Variants in MCC observed in about 807,000 individuals in gnomAD.
The protein encoded by MCC is colorectal mutant cancer protein.
MCC carries 90 observed loss-of-function variants against 116.2 expected under a neutral mutation model. The ratio of observed to expected loss-of-function variants is 0.77; its 90% CI spans 0.65 to 0.92. The LOEUF (loss-of-function observed/expected upper bound fraction) is 0.92. MCC is among the 40% of genes least tolerant of loss of function. The pLI, the probability that MCC is intolerant of heterozygous loss-of-function variation, is 0.00. For synonymous variants in MCC, 578 were observed against 510.5 expected (o/e 1.13, Z -1.78); for missense variants, 1,516 against 1,312.2 (o/e 1.16, Z -2.40).
intron 18 of MCC, 21 bp downstream of exon 18, chr5:113,028,912 CT>C: frequency 6.2e-7 from 1 of 1,608,970 alleles, no homozygotes; most frequent in Non-Finnish European, 8.5e-7. Flanking sequence ...GCGGTGGGGG[CT>C]GGGTATAGGG....
rs1364014242 is a variant in MCC at position 113,452,889 on chromosome 5, G to C, written c.170+35356C>G. 2.0e-4 allele frequency among the ~76,000 whole-genome samples: 31 copies of C among 152,220 alleles called. 1 individual carries two copies. The highest frequency in any genetic ancestry group is 4.0e-4 in the Non-Finnish European group (27 of 68,030). ...GCCTTTATGTGTCCTTTATTTGAAAGGAAGAGATTAACTTAGGCTTGTATA... is the reference window on the plus strand; with the variant it reads ...GCCTTTATGTGTCCTTTATTTGAAACGAAGAGATTAACTTAGGCTTGTATA... On this transcript the variant is annotated intron_variant, in intron 1 of 18. Transcript: ENST00000408903.
intron 1 of MCC, among the ~76,000 whole-genome samples, chr5:113,394,891 G>A (rs1312189034): frequency 1.3e-5 from 2 of 152,102 alleles, no homozygotes; most frequent in Non-Finnish European, 2.9e-5. Context: ...CTAGTTTATT[G>A]GAACAGAGCA....
At chr5:113,194,474 G>T (rs918411870) in intron 3 of MCC, among the ~76,000 whole-genome samples, 1 of 152,028 alleles carries the variant, frequency 6.6e-6, no homozygotes, top group Non-Finnish European at 1.5e-5. Flanking sequence ...ATATCAGCCT[G>T]GGCAACAAAG....
At chr5:113,157,162 C>T (rs1022320795) in intron 3 of MCC, among the ~76,000 whole-genome samples, 2 of 152,154 alleles carry the variant, frequency 1.3e-5, no homozygotes, top group African/African-American at 2.4e-5. Flanking sequence ...TTATTAGGTG[C>T]TTCTGCATTT....
chr5:113,101,671 C>G, intron 8 of MCC, 68 bp downstream of exon 8: 2 of 1,506,798 alleles, frequency 1.3e-6, no homozygotes, highest in Non-Finnish European at 9.2e-7. Flanking sequence ...GCCCCTGGTG[C>G]TATACACCAG....
At chr5:113,186,143 G>A (rs891378771) in intron 3 of MCC, among the ~76,000 whole-genome samples, 12 of 152,134 alleles carry the variant, frequency 7.9e-5, no homozygotes, top group Admixed American at 2.6e-4. Context: ...ATGCCTGTGC[G>A]GCAATGGATC....
chr5:113,235,950 TAG>T (rs1482391729), intron 3 of MCC, among the ~76,000 whole-genome samples: 2 of 152,236 alleles, frequency 1.3e-5, no homozygotes, highest in African/African-American at 4.8e-5. Context: ...GCTAAAGTTT[TAG>T]AGAGTTCAGA....
At chr5:113,423,768 T>A (rs144766833) in intron 1 of MCC, among the ~76,000 whole-genome samples, 103 of 152,212 alleles carry the variant, frequency 6.8e-4, no homozygotes, top group Non-Finnish European at 1.1e-3. Context: ...CCCGGCACAG[T>A]CAAGTTTTCT....
chr5:113,304,494 C>CAT (rs1396601354), intron 3 of MCC, among the ~76,000 whole-genome samples: 1 of 152,186 alleles, frequency 6.6e-6, no homozygotes, highest in East Asian at 1.9e-4. Context: ...AGTCATTTGG[C>CAT]ATCAACATCT....
At chr5:113,043,671 G>C in intron 16 of MCC, 41 bp from the exon 17 acceptor site, 1 of 1,464,832 alleles carries the variant, frequency 6.8e-7, no homozygotes, top group South Asian at 1.2e-5. Context: ...CTGAATCCAA[G>C]CCGGCAGCAC....
chr5:113,071,543 T>C (rs1310945433), intron 11 of MCC, among the ~76,000 whole-genome samples: 1 of 152,148 alleles, frequency 6.6e-6, no homozygotes. Context: ...AAGGAGACAG[T>C]TGTGCAACCT....
At chr5:113,303,247 T>C (rs769871796) in intron 3 of MCC, among the ~76,000 whole-genome samples, 7 of 152,148 alleles carry the variant, frequency 4.6e-5, no homozygotes, top group Admixed American at 1.3e-4. Context: ...TAGATTATAG[T>C]TGATGTTGAA....
At chr5:113,158,756 A>C in intron 3 of MCC, among the ~76,000 whole-genome samples, 1 of 152,240 alleles carries the variant, frequency 6.6e-6, no homozygotes, top group East Asian at 1.9e-4. Flanking sequence ...GTGCAAAAGT[A>C]ATTGCAATGG....
At chr5:113,132,214 T>C (rs1758474872) in intron 5 of MCC, among the ~76,000 whole-genome samples, 1 of 151,544 alleles carries the variant, frequency 6.6e-6, no homozygotes, top group Non-Finnish European at 1.5e-5. Context: ...ACAATAGTAT[T>C]GTAAAGTGAT....
At chr5:113,285,819 T>C (rs1311603610) in intron 3 of MCC, among the ~76,000 whole-genome samples, 2 of 152,240 alleles carry the variant, frequency 1.3e-5, no homozygotes, top group Non-Finnish European at 2.9e-5. Flanking sequence ...GTTTTGTTTG[T>C]TGCTGTATCC....
chr5:113,081,318 G>A (rs1305581787), intron 11 of MCC, among the ~76,000 whole-genome samples: 3 of 152,178 alleles, frequency 2.0e-5, no homozygotes, highest in Non-Finnish European at 4.4e-5. Context: ...CACTCAACTT[G>A]GGACTTCAAA....
At chr5:113,305,090 A>C (rs1196923506) in intron 3 of MCC, among the ~76,000 whole-genome samples, 1 of 151,974 alleles carries the variant, frequency 6.6e-6, no homozygotes, top group Non-Finnish European at 1.5e-5. Flanking sequence ...TATCAAGCTG[A>C]GGGGTGAAGG....
intron 3 of MCC, among the ~76,000 whole-genome samples, chr5:113,261,203 C>T (rs1765207740): frequency 6.6e-6 from 1 of 152,124 alleles, no homozygotes; most frequent in African/African-American, 2.4e-5. Flanking sequence ...TTGCACTAGC[C>T]TACAGTTGGG....
At chr5:113,132,427 CATATAT>C (rs1162820789) in intron 5 of MCC, among the ~76,000 whole-genome samples, 45 of 107,244 alleles carry the variant, frequency 4.2e-4, no homozygotes, top group East Asian at 1.2e-3. Flanking sequence ...TACACACATA[CATATAT>C]ATATATATAT....
Sources: gnomAD v4.1 joint callset for allele counts (sites outside exome capture counted in the v4.1 genomes callset) on GRCh38, gnomAD v4.1.1 for gene constraint, MANE v1.5 for transcripts, NCBI Gene and HGNC (gene_info 2026-07-23, HGNC 2026-07-21) for gene names.